FDFT1: variants seen among roughly 807,000 people sequenced by gnomAD.
The protein encoded by FDFT1 is farnesyl-diphosphate farnesyltransferase 1.
A neutral mutation model predicts 46.8 loss-of-function variants in FDFT1; 68 were observed. That is an observed-to-expected ratio of 1.45 (90% CI 1.19 to 1.78). The LOEUF (loss-of-function observed/expected upper bound fraction) is 1.78, where lower values mean the gene tolerates loss of function less well. Among genes scored for constraint, FDFT1 ranks in the 40% most tolerant of loss-of-function variants. The pLI, the probability that FDFT1 is intolerant of heterozygous loss-of-function variation, is 0.00. For missense variants in FDFT1, 928 were observed against 524.4 expected (o/e 1.77, Z -7.52); for synonymous variants, 351 against 185.1 (o/e 1.90, Z -7.28).
Position 11,802,818 on chromosome 8 carries a change from G to C in FDFT1, c.-15G>C. On this transcript the variant is annotated 5_prime_UTR_variant, in exon 1 of 8. Coordinates refer to ENST00000220584, the MANE Select transcript of FDFT1 (RefSeq NM_004462.5). Reference sequence around the variant, plus strand: ...AGGTGAGAGTCGCGCCCGGGAGTCCGCCGCCTGCGCCAGGATGGAGTTCGT... The same window carrying C: ...AGGTGAGAGTCGCGCCCGGGAGTCCCCCGCCTGCGCCAGGATGGAGTTCGT... The C allele has an allele frequency of 6.3e-7, 1 of 1,598,366 alleles. No individual in the cohort carries two copies. The highest frequency in any genetic ancestry group is 8.5e-7 in the Non-Finnish European group (1 of 1,171,154).
At chr8:11,817,418 T>C (rs573859993) in intron 3 of FDFT1, among the ~76,000 whole-genome samples, 79 of 152,332 alleles carry the variant, frequency 5.2e-4, no homozygotes, top group African/African-American at 1.9e-3. Flanking sequence ...CTTTTTCTAT[T>C]GGAATAGTTT....
At chr8:11,809,132 AC>A in intron 2 of FDFT1, 1 of 1,307,568 alleles carries the variant, frequency 7.6e-7, no homozygotes, top group Non-Finnish European at 9.7e-7. Flanking sequence ...ATGTTTATTA[AC>A]TTTTTTTAGT....
exon 1 of FDFT1, chr8:11,795,999 G>A (rs754036645): frequency 6.6e-6 from 1 of 152,218 alleles, no homozygotes; most frequent in Non-Finnish European, 1.5e-5. Flanking sequence ...ACTTGGACTC[G>A]ACAGACTCTA....
At chr8:11,814,764 G>T (rs540736304) in intron 3 of FDFT1, among the ~76,000 whole-genome samples, 1 of 152,078 alleles carries the variant, frequency 6.6e-6, no homozygotes, top group Non-Finnish European at 1.5e-5. Context: ...AATAGTGAGA[G>T]AAACTCTATA....
intron 1 of FDFT1, chr8:11,803,557 T>C: frequency 9.6e-7 from 1 of 1,037,408 alleles, no homozygotes; most frequent in South Asian, 1.7e-5. Flanking sequence ...ATCTGCCTCA[T>C]GCCTGTACTA....
At position 11,838,507 on chromosome 8, in the gene FDFT1, C is replaced by T. The variant is rs925267284; in HGVS notation, c.1152C>T (p.Pro384=). 2 of 1,608,316 alleles carry T rather than the reference C, an allele frequency of 1.2e-6. No homozygotes were observed. The highest frequency in any genetic ancestry group is 1.3e-5 in the African/African-American group (1 of 74,770). Residue 384 remains proline, a synonymous_variant, in exon 8 of 8, where the codon CCC becomes CCT. Transcript: ENST00000220584. ...TGATTTCCCGAAGCCACTACTCCCCCATCTACCTGTCGTTTGTCATGCTTT... is the reference window on the plus strand; with the variant it reads ...TGATTTCCCGAAGCCACTACTCCCCTATCTACCTGTCGTTTGTCATGCTTT... The part of the protein sequence containing the change: ...CQLISRSHYS[P]IYLSFVMLLA...
intron 5 of FDFT1, 26 bp from the exon 6 acceptor site, chr8:11,830,218 G>C: frequency 1.3e-6 from 2 of 1,591,592 alleles, no homozygotes; most frequent in Non-Finnish European, 1.7e-6. Flanking sequence ...ACGCTGACCT[G>C]TTCCTTAATC....
At chr8:11,828,868 T>C (rs1810383716) in intron 5 of FDFT1, among the ~76,000 whole-genome samples, 1 of 152,266 alleles carries the variant, frequency 6.6e-6, no homozygotes, top group South Asian at 2.1e-4. Context: ...CCTAGTATTA[T>C]TCCACTGTGT....
intron 1 of FDFT1, among the ~76,000 whole-genome samples, chr8:11,804,600 CTTTTTTTTT>C (rs5889385): frequency 9.2e-5 from 9 of 97,364 alleles, no homozygotes; most frequent in African/African-American, 1.2e-4. Context: ...CTTAGTTTCT[CTTTTTTTTT>C]TTTTTTTTTT....
intron 3 of FDFT1, among the ~76,000 whole-genome samples, chr8:11,811,086 C>G (rs529533204): frequency 1.3e-4 from 19 of 151,978 alleles, no homozygotes; most frequent in Non-Finnish European, 2.4e-4. Flanking sequence ...AAGAATAATT[C>G]GAGTTTATAC....
intron 3 of FDFT1, 124 bp downstream of exon 3, chr8:11,809,974 G>C (rs1807475408): frequency 4.1e-6 from 3 of 737,942 alleles, no homozygotes; most frequent in South Asian, 2.2e-5. Context: ...CATAATGTGA[G>C]GGTTAAAAAC....
upstream of FDFT1, among the ~76,000 whole-genome samples, chr8:11,799,840 G>C (rs1405206413): frequency 6.6e-6 from 1 of 151,838 alleles, no homozygotes; most frequent in South Asian, 2.1e-4. Context: ...CAGCTACTCG[G>C]GAGGCTAAGG....
rs773711620 is a variant in FDFT1 at position 11,831,619 on chromosome 8, T to A, written c.981T>A (p.Asp327Glu). ...GGCAAGCAGTGACCCTGATGATGGA[T>A]GCCACCAATATGCCAGCTGTCAAAG... ...RKGQAVTLMM[D>E]ATNMPAVKAI... The change falls in exon 7 of 8, where the codon GAT (aspartate) becomes GAA (glutamate). Residue 327 changes from aspartate to glutamate, a missense_variant. Transcript: ENST00000220584. The A allele has an allele frequency of 3.8e-5, 61 of 1,613,964 alleles. No homozygotes were observed. Among genetic ancestry groups the A allele is most frequent in the Non-Finnish European group, 5.0e-5 (59 of 1,179,902 alleles).
rs760588184 is a variant in FDFT1 at position 11,838,387 on chromosome 8, G to T, written c.1033-1G>T. On this transcript the variant is annotated splice_acceptor_variant, in intron 7 of 7. Coordinates refer to ENST00000220584, the MANE Select transcript of FDFT1 (RefSeq NM_004462.5). LOFTEE classifies it high-confidence loss of function. ...ATCATTTTTTCCTGTGTCTTTAACA[G>T]ATTTATCATAGAATCCCCGACTCAG... 6.2e-7 allele frequency: 1 copy of T among 1,612,396 alleles called. No homozygotes were observed. The highest frequency in any genetic ancestry group is 8.5e-7 in the Non-Finnish European group (1 of 1,178,434).
upstream of FDFT1, chr8:11,797,950 G>C (rs1421979534): frequency 6.6e-6 from 1 of 152,278 alleles, no homozygotes; most frequent in Non-Finnish European, 1.5e-5. Context: ...AAAGGATGTA[G>C]ATGCCAAATG....
At chr8:11,816,669 T>A (rs999348919) in intron 3 of FDFT1, among the ~76,000 whole-genome samples, 2 of 152,202 alleles carry the variant, frequency 1.3e-5, no homozygotes, top group Non-Finnish European at 2.9e-5. Flanking sequence ...GCTCCTTGTT[T>A]GTCTGTTATT....
At chr8:11,837,052 T>A (rs540130607) in intron 7 of FDFT1, among the ~76,000 whole-genome samples, 71 of 152,350 alleles carry the variant, frequency 4.7e-4, no homozygotes, top group African/African-American at 1.7e-3. Flanking sequence ...TGGCTGAACC[T>A]GGAGCTGCAG....
chr8:11,830,453 G>T, intron 6 of FDFT1, 33 bp downstream of exon 6: 1 of 1,504,608 alleles, frequency 6.6e-7, no homozygotes, highest in South Asian at 1.1e-5. Context: ...GTGGATACGG[G>T]GCTAAAGGGA....
chr8:11,827,076 AGAAGGAAAG>A, intron 5 of FDFT1, among the ~76,000 whole-genome samples: 1 of 152,232 alleles, frequency 6.6e-6, no homozygotes, highest in Non-Finnish European at 1.5e-5. Context: ...GATTTTGTTC[AGAAGGAAAG>A]TAGAAAATTT....
Sources: allele counts gnomAD v4.1 joint callset (sites outside exome capture counted in the v4.1 genomes callset), GRCh38; gene constraint gnomAD v4.1.1; transcripts MANE v1.5; gene names NCBI Gene and HGNC (gene_info 2026-07-23, HGNC 2026-07-21).